The following CHN2 variants were observed in gnomAD, a reference collection of about 807,000 sequenced individuals.
CHN2 encodes the protein beta-chimaerin.
A neutral mutation model predicts 56.3 loss-of-function variants in CHN2; 35 were observed. That is an observed-to-expected ratio of 0.62 (90% CI 0.47 to 0.82). The LOEUF (loss-of-function observed/expected upper bound fraction) is 0.82, where lower values mean the gene tolerates loss of function less well. Ranked by LOEUF, CHN2 falls within the 40% of genes least tolerant of loss-of-function variation. The pLI is 0.00. For missense variants in CHN2, 491 were observed against 580.5 expected, an observed-to-expected ratio of 0.85 and a Z score of 1.58; for synonymous variants, 210 against 212.8, an observed-to-expected ratio of 0.99 and a Z score of 0.12.
intron 2 of CHN2, among the ~76,000 whole-genome samples, chr7:29,366,999 T>G (rs186943085): frequency 6.6e-6 from 1 of 152,230 alleles, no homozygotes; most frequent in East Asian, 1.9e-4. Context: ...TCAGATCTAG[T>G]CTTTTTAACT....
intron 1 of CHN2, among the ~76,000 whole-genome samples, chr7:29,342,886 A>T (rs961422171): frequency 2.0e-5 from 3 of 152,190 alleles, no homozygotes; most frequent in Admixed American, 2.0e-4. Context: ...GAATAAGTTG[A>T]TGTCTTATTT....
intron 1 of CHN2, among the ~76,000 whole-genome samples, chr7:29,270,120 T>C (rs190439905): frequency 2.6e-4 from 39 of 152,314 alleles, no homozygotes; most frequent in African/African-American, 9.4e-4. Flanking sequence ...CTGATAATAA[T>C]AATAGCTGTC....
Position 29,308,481 on chromosome 7 carries a change from G to A in CHN2, c.50-46144G>A, listed in dbSNP as rs556735829. ...GGTTGGGGTGTGTGTGTGTGTGTGT[G>A]TTGGGATAGGAATTGGGATTCTGCT... On this transcript the variant is annotated intron_variant, in intron 1 of 12. Transcript: ENST00000222792. Among the ~76,000 whole-genome samples, 425 of 138,056 alleles carry A rather than the reference G, an allele frequency of 3.1e-3. 1 individual carries two copies. The highest frequency in any genetic ancestry group is 5.3e-3 in the Non-Finnish European group (338 of 63,420). 90.6% of individuals were successfully genotyped at this position (138,056 alleles called of 152,430 possible). A position where few individuals can be genotyped will look rare whatever the true frequency, so the allele number is the denominator to read the frequency against.
chr7:29,502,258 T>A lies in CHN2; in HGVS notation c.913+2218T>A, dbSNP rs531547498. 1.8e-4 allele frequency among the ~76,000 whole-genome samples: 27 copies of A among 152,262 alleles called. No homozygotes were observed. In the South Asian group the frequency reaches 5.4e-3, roughly 30 times the overall value. On this transcript the variant is annotated intron_variant, in intron 9 of 12. Transcript: ENST00000222792. Reference sequence around the variant, plus strand: ...CAGGTACCCAGGAGCAGTCCAGGAATAGTCTGTTCCACCGTGGCAGGAACC... The same window carrying A: ...CAGGTACCCAGGAGCAGTCCAGGAAAAGTCTGTTCCACCGTGGCAGGAACC...
At chr7:29,353,702 T>C (rs980531844) in intron 1 of CHN2, among the ~76,000 whole-genome samples, 2 of 152,106 alleles carry the variant, frequency 1.3e-5, no homozygotes, top group Non-Finnish European at 2.9e-5. Flanking sequence ...AGGGCAGGCT[T>C]TGTGGTGCAC....
intron 1 of CHN2, among the ~76,000 whole-genome samples, chr7:29,313,661 C>T (rs1204175531): frequency 1.3e-5 from 2 of 152,190 alleles, no homozygotes; most frequent in East Asian, 3.8e-4. Context: ...AACCCGAAAA[C>T]ATTCACTCCT....
At chr7:29,259,832 A>G (rs957394672) in intron 1 of CHN2, among the ~76,000 whole-genome samples, 1 of 152,196 alleles carries the variant, frequency 6.6e-6, no homozygotes, top group Non-Finnish European at 1.5e-5. Context: ...CACATCATAC[A>G]TCTTGAATAT....
intron 6 of CHN2, among the ~76,000 whole-genome samples, chr7:29,431,057 A>C (rs928066650): frequency 1.1e-4 from 17 of 152,234 alleles, no homozygotes; most frequent in African/African-American, 3.9e-4. Context: ...GGGGCAGAGA[A>C]TCTGCCCCCA....
At chr7:29,323,338 GT>G (rs1261719283) in intron 1 of CHN2, among the ~76,000 whole-genome samples, 8 of 152,072 alleles carry the variant, frequency 5.3e-5, no homozygotes, top group Admixed American at 2.0e-4. Context: ...ACATGATGAG[GT>G]TTTGAATCCT....
intron 1 of CHN2, among the ~76,000 whole-genome samples, chr7:29,349,351 G>A (rs1051596460): frequency 1.4e-4 from 22 of 152,138 alleles, no homozygotes; most frequent in African/African-American, 5.3e-4. Context: ...TGTATGTTGG[G>A]TGATATTATT....
chr7:29,488,968 C>T (rs10281543), intron 7 of CHN2, among the ~76,000 whole-genome samples: 2,739 of 152,302 alleles, frequency 0.018, 78 homozygotes, highest in African/African-American at 0.063. Flanking sequence ...CAGTTTCGAT[C>T]CCAGGCTGAG....
chr7:29,180,135 T>C (rs995792858), intron 2 of CHN2, among the ~76,000 whole-genome samples: 3 of 152,216 alleles, frequency 2.0e-5, no homozygotes, highest in African/African-American at 7.2e-5. Flanking sequence ...TGTTCCCCAA[T>C]AGTTTTTTTA....
intron 4 of CHN2, among the ~76,000 whole-genome samples, chr7:29,395,708 T>C (rs1245939517): frequency 2.6e-5 from 4 of 152,148 alleles, no homozygotes; most frequent in African/African-American, 2.4e-5. Context: ...ATATTATAGG[T>C]TGGAGATATT....
chr7:29,240,030 C>G (rs1407866005), intron 1 of CHN2, among the ~76,000 whole-genome samples: 3 of 152,176 alleles, frequency 2.0e-5, no homozygotes, highest in African/African-American at 7.2e-5. Flanking sequence ...TATCTGGGGC[C>G]AGATCCAGCC....
intron 6 of CHN2, among the ~76,000 whole-genome samples, chr7:29,463,006 G>T (rs1785281893): frequency 6.9e-6 from 1 of 145,596 alleles, no homozygotes; most frequent in African/African-American, 2.6e-5. Context: ...TTGAACAGAG[G>T]AATGTAAAAG....
At chr7:29,292,212 A>T (rs1230535301) in intron 1 of CHN2, among the ~76,000 whole-genome samples, 1 of 152,182 alleles carries the variant, frequency 6.6e-6, no homozygotes, top group East Asian at 1.9e-4. Context: ...ACAGAGATGC[A>T]TGTTTTTGAT....
chr7:29,275,132 A>G (rs188311132), intron 1 of CHN2, among the ~76,000 whole-genome samples: 176 of 152,336 alleles, frequency 1.2e-3, no homozygotes, highest in Non-Finnish European at 2.5e-4. Context: ...CCTCACCTGT[A>G]AAATGGGTAT....
intron 6 of CHN2, among the ~76,000 whole-genome samples, chr7:29,445,308 G>C (rs1040504615): frequency 6.6e-6 from 1 of 152,162 alleles, no homozygotes; most frequent in African/African-American, 2.4e-5. Context: ...CCAAACTCAT[G>C]TCTCCTGTTA....
intron 6 of CHN2, among the ~76,000 whole-genome samples, chr7:29,468,383 G>C (rs116936059): frequency 3.9e-5 from 6 of 152,050 alleles, no homozygotes; most frequent in African/African-American, 1.5e-4. Flanking sequence ...GGGGTTGCAT[G>C]GTTTGAACTT....
Sources: allele counts gnomAD v4.1 joint callset (sites outside exome capture counted in the v4.1 genomes callset), GRCh38; gene constraint gnomAD v4.1.1; transcripts MANE v1.5; gene names NCBI Gene and HGNC (gene_info 2026-07-23, HGNC 2026-07-21).